Variants in APC observed in about 807,000 individuals in gnomAD.
The protein encoded by APC is adenomatous polyposis coli protein.
In APC, 72 loss-of-function variants were observed where a neutral mutation model predicts 247.0. The observed-to-expected ratio is 0.29, with a 90% confidence interval of 0.24 to 0.35. APC has a LOEUF of 0.35. APC is among the 10% of genes least tolerant of loss of function. The pLI is 1.00. For missense variants in APC, 3,400 were observed against 3,360.7 expected (o/e 1.01, Z -0.29); for synonymous variants, 1,254 against 1,162.5 (o/e 1.08, Z -1.60).
At chr5:112,814,646 T>C (rs1762313678) in intron 8 of APC, among the ~76,000 whole-genome samples, 1 of 152,210 alleles carries the variant, frequency 6.6e-6, no homozygotes, top group African/African-American at 2.4e-5. Context: ...CCTCATTTCC[T>C]ACCTGTGATC....
intron 6 of APC, among the ~76,000 whole-genome samples, chr5:112,786,215 A>G (rs1182915446): frequency 1.3e-5 from 2 of 152,138 alleles, no homozygotes. Flanking sequence ...TCAGCCTCCC[A>G]CATAGTTGGG....
chr5:112,760,941 C>T (rs1394492901), intron 2 of APC, among the ~76,000 whole-genome samples: 1 of 152,098 alleles, frequency 6.6e-6, no homozygotes, highest in Non-Finnish European at 1.5e-5. Flanking sequence ...TCCCAAGTAG[C>T]TGGGACTACA....
intron 7 of APC, among the ~76,000 whole-genome samples, chr5:112,795,603 A>T (rs1433656010): frequency 1.3e-5 from 2 of 152,172 alleles, no homozygotes; most frequent in Non-Finnish European, 2.9e-5. Context: ...CACTCGAGAA[A>T]TTCCAAGGGT....
At chr5:112,800,403 T>G (rs944424367) in intron 7 of APC, among the ~76,000 whole-genome samples, 1 of 152,228 alleles carries the variant, frequency 6.6e-6, no homozygotes, top group African/African-American at 2.4e-5. Flanking sequence ...GATACTAGTT[T>G]ATTGATGGAA....
At position 112,806,124 on chromosome 5, in the gene APC, C is replaced by T. The variant is rs114585120; in HGVS notation, c.834+4741C>T. 4.1e-3 allele frequency among the ~76,000 whole-genome samples: 619 copies of T among 152,260 alleles called. 5 individuals carry two copies. The highest frequency in any genetic ancestry group is 0.014 in the African/African-American group (585 of 41,544). ...TCATCCCATTTTGCTCAGTTAACAC[C>T]AGTTCATGTGTGTCTGAGCTTAAGC... On this transcript the variant is annotated intron_variant, in intron 8 of 15. Transcript: ENST00000257430.
At chr5:112,724,451 C>G (rs1440754673) in intron 1 of APC, among the ~76,000 whole-genome samples, 1 of 152,126 alleles carries the variant, frequency 6.6e-6, no homozygotes, top group African/African-American at 2.4e-5. Context: ...CTACTTTGGA[C>G]CAGGCGCAAT....
In APC at chr5:112,835,061, C is replaced by T. The variant is rs780188104; in HGVS notation, c.1854C>T (p.Gly618=). 1.2e-6 allele frequency: 2 copies of T among 1,614,100 alleles called. No individual in the cohort carries two copies. The highest frequency in any genetic ancestry group is 1.7e-5 in the Admixed American group (1 of 60,020). The change falls in exon 15 of 16, where the codon GGC becomes GGT. Residue 618 remains glycine, a synonymous_variant. Coordinates refer to ENST00000257430, the MANE Select transcript of APC (RefSeq NM_000038.6). ...ATGGTGCACTTGCATTTTTGGTTGG[C>T]ACTCTTACTTACCGGAGCCAGACAA... The part of the protein sequence containing the change: ...AVDGALAFLV[G]TLTYRSQTNT...
At position 112,841,852 on chromosome 5, in the gene APC, A is replaced by C. The variant is rs1766174069; in HGVS notation, c.6258A>C (p.Pro2086=). 6.2e-7 allele frequency: 1 copy of C among 1,613,850 alleles called. No homozygotes were observed. Among genetic ancestry groups the C allele is most frequent in the African/African-American group, 1.3e-5 (1 of 74,932 alleles). ...LTLDLKDIQR[P]DSEHGLSPDS... is the part of the protein sequence containing the mutation. The stretch of plus-strand genomic sequence containing the variant: ...TTGATTTGAAAGATATACAGAGACC[A>C]GATTCAGAACATGGTCTATCCCCTG... Residue 2086 remains proline, a synonymous_variant, in exon 16 of 16, where the codon CCA becomes CCC. Coordinates refer to ENST00000257430, the MANE Select transcript of APC (RefSeq NM_000038.6). The surrounding 1 kb of genome is among the most constrained non-coding windows in gnomAD (Gnocchi z 4.6).
intron 15 of APC, among the ~76,000 whole-genome samples, chr5:112,835,967 C>T (rs1418860019): frequency 6.7e-6 from 1 of 149,354 alleles, no homozygotes; most frequent in Non-Finnish European, 1.5e-5. Context: ...CACACATTTT[C>T]AGAACTCGGA....
chr5:112,739,478 A>G (rs1561420879), intron 1 of APC, among the ~76,000 whole-genome samples: 2 of 152,274 alleles, frequency 1.3e-5, no homozygotes, highest in Non-Finnish European at 2.9e-5. Context: ...AAATAAGACT[A>G]CATAAGTTTT....
At chr5:112,713,902 C>G (rs1278593576) in intron 1 of APC, among the ~76,000 whole-genome samples, 2 of 152,214 alleles carry the variant, frequency 1.3e-5, no homozygotes, top group African/African-American at 2.4e-5. Context: ...AAGTGATCCG[C>G]CCACCTTGGC....
chr5:112,740,520 T>C (rs1222438955), intron 1 of APC, among the ~76,000 whole-genome samples: 1 of 137,156 alleles, frequency 7.3e-6, no homozygotes, highest in Non-Finnish European at 1.5e-5. Flanking sequence ...TTGTGTTTTT[T>C]TTTCTTTTTT....
intron 14 of APC, 39 bp downstream of exon 14, chr5:112,829,011 A>C (rs757580419): frequency 2.0e-5 from 30 of 1,469,592 alleles, no homozygotes; most frequent in Non-Finnish European, 2.9e-5. Flanking sequence ...TATGAATTTC[A>C]TGTTTGGCTT....
At chr5:112,749,501 TTG>T (rs1491038349) in intron 1 of APC, among the ~76,000 whole-genome samples, 36 of 147,160 alleles carry the variant, frequency 2.4e-4, no homozygotes, top group African/African-American at 9.1e-4. Flanking sequence ...TTTTTTTTTT[TTG>T]ATATGGAGTC....
Position 112,838,447 on chromosome 5 carries a change from T to C in APC, c.2853T>C (p.Tyr951=), listed in dbSNP as rs575406600. The part of the protein sequence containing the change: ...ENSNRTCSMP[Y]AKLEYKRSSN... ...CAAATAGGACATGTTCTATGCCTTA[T>C]GCCAAATTAGAATACAAGAGATCTT... Residue 951 remains tyrosine, a synonymous_variant, in exon 16 of 16, where the codon TAT becomes TAC. Coordinates refer to ENST00000257430, the MANE Select transcript of APC (RefSeq NM_000038.6). 2.5e-6 allele frequency: 4 copies of C among 1,614,224 alleles called. No individual in the cohort carries two copies. The African/African-American group carries it at 4.0e-5, about 16-fold the overall frequency.
At position 112,844,300 on chromosome 5, in the gene APC, C is replaced by T. The variant is rs1445327957; in HGVS notation, c.*174C>T. The T allele has an allele frequency of 6.3e-6, 4 of 638,930 alleles. No homozygotes were observed. Among genetic ancestry groups the T allele is most frequent in the Non-Finnish European group, 1.0e-5 (4 of 383,252 alleles). The allele number at this position is 638,930 out of a possible 1,614,324, so 39.6% of individuals were successfully genotyped here. Reference sequence around the variant, plus strand: ...GATAGTATACTTTGTCTTCACTGGTCTTATTTTGGGAGGCACTCTTGATGG... The same window carrying T: ...GATAGTATACTTTGTCTTCACTGGTTTTATTTTGGGAGGCACTCTTGATGG... On this transcript the variant is annotated 3_prime_UTR_variant, in exon 16 of 16. Coordinates refer to ENST00000257430, the MANE Select transcript of APC (RefSeq NM_000038.6).
At chr5:112,805,689 GTTTGT>G (rs764949467) in intron 8 of APC, among the ~76,000 whole-genome samples, 3 of 152,100 alleles carry the variant, frequency 2.0e-5, no homozygotes, top group Non-Finnish European at 4.4e-5. Flanking sequence ...GGGTTTATTA[GTTTGT>G]TTTGTTTTAT....
rs768233232 is a variant in APC at position 112,792,473 on chromosome 5, G to A, written c.673G>A (p.Glu225Lys). 10 of 1,610,796 alleles carry A rather than the reference G, an allele frequency of 6.2e-6. No homozygotes were observed. The highest frequency in any genetic ancestry group is 2.2e-5 in the South Asian group (2 of 90,558). ...AAGAATAGCCAGAATTCAGCAAATC[G>A]AAAAGGACATACTTCGTATACGACA... Reference protein sequence around the residue: ...QRRIARIQQIEKDILRIRQLL... With the variant: ...QRRIARIQQIKKDILRIRQLL... Residue 225 changes from glutamate to lysine, a missense_variant, in exon 7 of 16, where the codon GAA becomes AAA. Around this residue, in one of 9 missense-constraint regions of APC, gnomAD observed 372 missense variants for 367.6 expected, o/e 1.01. Transcript: ENST00000257430.
Position 112,840,986 on chromosome 5 carries a change from A to G in APC, c.5392A>G (p.Asn1798Asp), listed in dbSNP as rs200794097. Residue 1798 changes from asparagine to aspartate, a missense_variant, in exon 16 of 16, where the codon AAT becomes GAT. Transcript: ENST00000257430. The surrounding 1 kb of genome is among the most constrained non-coding windows in gnomAD (Gnocchi z 4.1). ...AAGAAAAAATGCAGACTCAAAAAATAATTTAAATGCTGAGAGAGTTTTCTC... is the reference window on the plus strand; with the variant it reads ...AAGAAAAAATGCAGACTCAAAAAATGATTTAAATGCTGAGAGAGTTTTCTC... The part of the protein sequence containing the change: ...RVRKNADSKN[N>D]LNAERVFSDN... 2.2e-5 allele frequency: 35 copies of G among 1,612,298 alleles called. No homozygotes were observed. In the African/African-American group the frequency reaches 3.3e-4, roughly 15 times the overall value.
Sources: gnomAD v4.1 joint callset for allele counts (sites outside exome capture counted in the v4.1 genomes callset) on GRCh38, gnomAD v4.1.1 for gene constraint, gnomAD v4.1.1 regional missense constraint, Gnocchi (gnomAD v3.1) non-coding constraint, MANE v1.5 for transcripts, NCBI Gene and HGNC (gene_info 2026-07-23, HGNC 2026-07-21) for gene names.